Variants in CCZ1 observed in about 807,000 individuals in gnomAD.
CCZ1 encodes the protein vacuolar fusion protein CCZ1 homolog.
A neutral mutation model predicts 57.8 loss-of-function variants in CCZ1; 19 were observed. The ratio of observed to expected loss-of-function variants is 0.33; its 90% CI spans 0.23 to 0.48. The LOEUF (loss-of-function observed/expected upper bound fraction) is 0.48. Among genes scored for constraint, CCZ1 ranks in the 20% least tolerant of loss-of-function variants. CCZ1 has a pLI of 0.99. For missense variants in CCZ1, 200 were observed against 492.0 expected, an observed-to-expected ratio of 0.41 and a Z score of 5.61; for synonymous variants, 81 against 167.0, an observed-to-expected ratio of 0.49 and a Z score of 3.97.
At chr7:5,907,203 A>C (rs1781851472) in intron 7 of CCZ1, among the ~76,000 whole-genome samples, 1 of 149,666 alleles carries the variant, frequency 6.7e-6, no homozygotes, top group African/African-American at 2.5e-5. Flanking sequence ...AGGCAACCTT[A>C]CACTGTACTG....
rs145674263 is a variant in CCZ1 at position 5,910,071 on chromosome 7, C to T, written c.735C>T (p.Tyr245=). Residue 245 remains tyrosine (Y), a synonymous_variant, in exon 8 of 15, where the codon TAC becomes TAT. Coordinates refer to ENST00000325974, the MANE Select transcript of CCZ1 (RefSeq NM_015622.6). ...AACAAGATGACATGAGAATTTTATA[C>T]AAATACCTTACCACCTCCCTTTTTC... ...GLEQDDMRIL[Y]KYLTTSLFPR... The T allele has an allele frequency of 3.8e-5, 60 of 1,588,150 alleles. 1 individual carries two copies. The African/African-American group carries it at 6.3e-4, about 17-fold the overall frequency.
At position 5,905,233 on chromosome 7, in the gene CCZ1, A is replaced by G. The variant is rs755976623; in HGVS notation, c.662A>G (p.Lys221Arg). ...NRMEESLNIV[K>R]YTAFLYNDQL... ...ATGGAGGAAAGCCTGAATATAGTCA[A>G]ATACACTGCTTTTCTCTATAACGAT... Residue 221 changes from lysine to arginine, a missense_variant, in exon 7 of 15, where the codon AAA becomes AGA. This residue lies in a region of CCZ1 where 128 missense variants were observed against 178.4 expected (regional missense o/e 0.72). Coordinates refer to ENST00000325974, the MANE Select transcript of CCZ1 (RefSeq NM_015622.6). 28 of 1,550,920 alleles carry G rather than the reference A, an allele frequency of 1.8e-5. 1 individual carries two copies. Among genetic ancestry groups the G allele is most frequent in the Middle Eastern group, 3.4e-4 (2 of 5,910 alleles).
At position 5,901,576 on chromosome 7, in the gene CCZ1, G is replaced by A. The variant is rs191273339; in HGVS notation, c.391-81G>A. 847 of 1,511,692 alleles carry A rather than the reference G, an allele frequency of 5.6e-4. 53 individuals carry two copies. The African/African-American group carries it at 0.011, about 19-fold the overall frequency. The allele number at this position is 1,511,692 out of a possible 1,614,324, so 93.6% of individuals were successfully genotyped here. Reference sequence around the variant, plus strand: ...TAAACATTATACTGTTTGGCCAAGAGTTAGTGTACCTTTGCCATCTATCCA... The same window carrying A: ...TAAACATTATACTGTTTGGCCAAGAATTAGTGTACCTTTGCCATCTATCCA... On this transcript the variant is annotated intron_variant, in intron 4 of 14. Coordinates refer to ENST00000325974, the MANE Select transcript of CCZ1 (RefSeq NM_015622.6).
chr7:5,901,040 C>T (rs1407493065), intron 4 of CCZ1, 108 bp downstream of exon 4: 8 of 566,404 alleles, frequency 1.4e-5, no homozygotes, highest in Non-Finnish European at 2.3e-5. Context: ...GCAGAAGTTT[C>T]TCGGGGTATA....
Position 5,900,575 on chromosome 7 carries a change from A to G in CCZ1, c.312+9A>G. 2 of 1,600,196 alleles carry G rather than the reference A, an allele frequency of 1.2e-6. No individual in the cohort carries two copies. The highest frequency in any genetic ancestry group is 8.5e-7 in the Non-Finnish European group (1 of 1,177,350). The stretch of plus-strand genomic sequence containing the variant: ...ATTTCTGGATGGTCATGGTATTTAC[A>G]TACACAGTGTATCTTTCTGAAATTG... On this transcript the variant is annotated intron_variant, in intron 3 of 14. Transcript: ENST00000325974.
At chr7:5,910,689 T>A (rs62453610) in intron 8 of CCZ1, among the ~76,000 whole-genome samples, 1 of 87,984 alleles carries the variant, frequency 1.1e-5, no homozygotes, top group African/African-American at 4.6e-5. Context: ...TACTTTACTT[T>A]TAATTTATGT....
At chr7:5,920,470 C>CTGTTTTTTTTTTT (rs1779217508) in intron 12 of CCZ1, among the ~76,000 whole-genome samples, 1 of 95,960 alleles carries the variant, frequency 1.0e-5, no homozygotes, top group African/African-American at 4.2e-5. Context: ...TTCTCCCTGG[C>CTGTTTTTTTTTTT]TTTTTTTTTT....
At chr7:5,902,803 A>C (rs1435866177) in intron 6 of CCZ1, 59 bp downstream of exon 6, 1 of 1,558,458 alleles carries the variant, frequency 6.4e-7, no homozygotes, top group Non-Finnish European at 8.6e-7. Context: ...TTTTAGAGAA[A>C]TATAGACAGA....
chr7:5,908,072 T>C (rs1781877266), intron 7 of CCZ1, among the ~76,000 whole-genome samples: 1 of 141,676 alleles, frequency 7.1e-6, no homozygotes, highest in Non-Finnish European at 1.5e-5. Flanking sequence ...AGCACCACTG[T>C]ACTCCAGCCT....
At chr7:5,912,381 T>C (rs1461283837) in intron 9 of CCZ1, among the ~76,000 whole-genome samples, 1 of 10,780 alleles carries the variant, frequency 9.3e-5, no homozygotes, top group Non-Finnish European at 1.5e-4. Context: ...CATACCCTTT[T>C]TTTTTTTTTT....
chr7:5,906,264 G>T (rs1217356652), intron 7 of CCZ1, among the ~76,000 whole-genome samples: 10 of 147,294 alleles, frequency 6.8e-5, no homozygotes, highest in Non-Finnish European at 1.5e-4. Context: ...AAGGCTTGCA[G>T]CTGTTCTGGG....
At chr7:5,916,505 G>GTTTT (rs113216947) in intron 10 of CCZ1, among the ~76,000 whole-genome samples, 28 of 43,324 alleles carry the variant, frequency 6.5e-4, no homozygotes, top group African/African-American at 1.9e-3. Context: ...TTTGTTTTTT[G>GTTTT]TTTTTTTTTT....
intron 1 of CCZ1, among the ~76,000 whole-genome samples, chr7:5,899,334 G>GGTGTGTGTGTGTGTGTGTGTGTGTGTGT (rs869199583): frequency 1.6e-4 from 2 of 12,558 alleles, no homozygotes; most frequent in Non-Finnish European, 3.7e-4. Flanking sequence ...TCGGGAGGGG[G>GGTGTGTGTGTGTGTGTGTGTGTGTGTGT]GTGTGTGTGT....
chr7:5,910,082 C>T lies in CCZ1; in HGVS notation c.746C>T (p.Thr249Ile). The change falls in exon 8 of 15, where the codon ACC becomes ATC. Residue 249 changes from threonine to isoleucine, a missense_variant. This residue lies in a region of CCZ1 where 128 missense variants were observed against 178.4 expected (regional missense o/e 0.72). Coordinates refer to ENST00000325974, the MANE Select transcript of CCZ1 (RefSeq NM_015622.6). ...ATGAGAATTTTATACAAATACCTTA[C>T]CACCTCCCTTTTTCCAAGGCACATC... ...DDMRILYKYLTTSLFPRHIEP... is the reference protein window; with the variant it reads ...DDMRILYKYLITSLFPRHIEP... 2.5e-6 allele frequency: 4 copies of T among 1,580,436 alleles called. No individual in the cohort carries two copies. Among genetic ancestry groups the T allele is most frequent in the Non-Finnish European group, 2.6e-6 (3 of 1,155,546 alleles).
chr7:5,920,744 T>C (rs1301515319), intron 12 of CCZ1, among the ~76,000 whole-genome samples: 1 of 129,846 alleles, frequency 7.7e-6, no homozygotes, highest in African/African-American at 2.9e-5. Context: ...AGTGCTGGGA[T>C]TACAGGTGTG....
chr7:5,913,340 A>G (rs1271990072), intron 10 of CCZ1, among the ~76,000 whole-genome samples: 8 of 59,734 alleles, frequency 1.3e-4, no homozygotes, highest in African/African-American at 3.4e-4. Flanking sequence ...CTAATTCCAT[A>G]AGGATTGTAT....
At chr7:5,919,195 C>T (rs1779192096) in intron 11 of CCZ1, 1 of 504,940 alleles carries the variant, frequency 2.0e-6, no homozygotes, top group African/African-American at 2.0e-5. Context: ...ACTATGTTGC[C>T]CGGGCTAGTG....
intron 12 of CCZ1, among the ~76,000 whole-genome samples, chr7:5,921,269 C>CT (rs1182273705): frequency 1.6e-5 from 2 of 124,452 alleles, no homozygotes; most frequent in Non-Finnish European, 3.5e-5. Context: ...CCGTGGGCCT[C>CT]TAAGAGCGCA....
chr7:5,902,880 C>T lies in CCZ1; in HGVS notation c.522+136C>T, dbSNP rs561013574. 24 of 1,131,100 alleles carry T rather than the reference C, an allele frequency of 2.1e-5. No homozygotes were observed. The African/African-American group carries it at 3.1e-4, about 15-fold the overall frequency. 70.1% of individuals were successfully genotyped at this position (1,131,100 alleles called of 1,614,324 possible). A position where few individuals can be genotyped will look rare whatever the true frequency, so the allele number is the denominator to read the frequency against. ...TGGCAAAGAGCCTGAGACAGACCGT[C>T]GCAAAACTGGAGCAGCGAGGAAACG... On this transcript the variant is annotated intron_variant, in intron 6 of 14. Coordinates refer to ENST00000325974, the MANE Select transcript of CCZ1 (RefSeq NM_015622.6).
Sources: gnomAD v4.1 joint callset for allele counts (sites outside exome capture counted in the v4.1 genomes callset) on GRCh38, gnomAD v4.1.1 for gene constraint, gnomAD v4.1.1 regional missense constraint, MANE v1.5 for transcripts, NCBI Gene and HGNC (gene_info 2026-07-23, HGNC 2026-07-21) for gene names.